Variants in NWD2 observed in about 807,000 individuals in gnomAD.
NWD2 encodes NACHT and WD repeat domain containing 2, also known as NACHT and WD repeat domain-containing protein 2.
A neutral mutation model predicts 132.7 loss-of-function variants in NWD2; 37 were observed. That is an observed-to-expected ratio of 0.28 (90% CI 0.21 to 0.37). The LOEUF is 0.37. NWD2 is among the 10% of genes least tolerant of loss of function. NWD2 has a pLI of 1.00. For missense variants in NWD2, 1,592 were observed against 2,122.4 expected (o/e 0.75, Z 4.91); for synonymous variants, 705 against 803.0 (o/e 0.88, Z 2.06).
intron 3 of NWD2, among the ~76,000 whole-genome samples, chr4:37,361,262 C>G (rs1719975985): frequency 6.6e-6 from 1 of 152,130 alleles, no homozygotes; most frequent in Admixed American, 6.6e-5. Context: ...AGAGCTGATA[C>G]CTATTATAGT....
chr4:37,387,670 C>CTTTTT (rs34665816), intron 3 of NWD2, among the ~76,000 whole-genome samples: 2 of 88,704 alleles, frequency 2.3e-5, no homozygotes, highest in African/African-American at 4.9e-5. Context: ...TTGAAATATT[C>CTTTTT]TTTTTTTTTT....
rs1718124083 is a variant in NWD2, at chr4:37,281,319, C to T, written c.151+36101C>T. On this transcript the variant is annotated intron_variant, in intron 1 of 6. Coordinates refer to ENST00000309447, the MANE Select transcript of NWD2 (RefSeq NM_001144990.2). ...TGAACCACGCAAAGTGTTCCTGGGG[C>T]CAGTTGGGGAGTTTAGTAGAATCTA... Among the ~76,000 whole-genome samples, 3 of 151,994 alleles carry T rather than the reference C, an allele frequency of 2.0e-5. No homozygotes were observed. In the South Asian group the frequency reaches 6.2e-4, roughly 32 times the overall value.
intron 1 of NWD2, among the ~76,000 whole-genome samples, chr4:37,315,214 A>T (rs913497444): frequency 4.6e-5 from 7 of 152,052 alleles, no homozygotes; most frequent in Non-Finnish European, 8.8e-5. Flanking sequence ...CTATCATGGG[A>T]AATGTTCCAT....
At chr4:37,436,053 G>T (rs556792696) in intron 5 of NWD2, among the ~76,000 whole-genome samples, 1 of 152,000 alleles carries the variant, frequency 6.6e-6, no homozygotes, top group Non-Finnish European at 1.5e-5. Flanking sequence ...AACAGGAGAG[G>T]ACGAGAAATA....
chr4:37,429,827 C>T (rs1376863501), intron 3 of NWD2, among the ~76,000 whole-genome samples: 1 of 152,148 alleles, frequency 6.6e-6, no homozygotes, highest in Non-Finnish European at 1.5e-5. Context: ...TTTCTAAAGA[C>T]AAATTCCCAG....
At chr4:37,321,912 T>A (rs1346138721) in intron 1 of NWD2, among the ~76,000 whole-genome samples, 3 of 152,212 alleles carry the variant, frequency 2.0e-5, no homozygotes, top group Non-Finnish European at 4.4e-5. Flanking sequence ...GAGTTCATAT[T>A]CTGCCACAAA....
intron 4 of NWD2, among the ~76,000 whole-genome samples, chr4:37,432,790 T>C (rs1712215030): frequency 6.6e-6 from 1 of 152,364 alleles, no homozygotes; most frequent in East Asian, 1.9e-4. Flanking sequence ...GAAACGTTAT[T>C]ATCTACTTTC....
intron 1 of NWD2, among the ~76,000 whole-genome samples, chr4:37,304,060 G>A (rs1458130439): frequency 6.6e-6 from 1 of 152,170 alleles, no homozygotes; most frequent in African/African-American, 2.4e-5. Flanking sequence ...AATTTATAAA[G>A]GAAAAAGTTT....
At position 37,444,783 on chromosome 4, in the gene NWD2, T is replaced by C; in HGVS notation, c.2795T>C (p.Leu932Pro). Reference sequence around the variant, plus strand: ...TCCCTGCCCAAACTTAGACATCTTCTTTTAGAGTGTGATAAAGATGGGCCC... The same window carrying C: ...TCCCTGCCCAAACTTAGACATCTTCCTTTAGAGTGTGATAAAGATGGGCCC... ...VSSLPKLRHLLLECDKDGPKY... is the reference protein window; with the variant it reads ...VSSLPKLRHLPLECDKDGPKY... Residue 932 changes from leucine (L) to proline (P), a missense_variant, in exon 7 of 7, where the codon CTT (leucine) becomes CCT (proline). This residue lies in a region of NWD2 where 1,071 missense variants were observed against 1,398.0 expected (regional missense o/e 0.77). Coordinates refer to ENST00000309447, the MANE Select transcript of NWD2 (RefSeq NM_001144990.2). This position sits in a 1 kb window ranked among gnomAD's most constrained non-coding sequence, Gnocchi z 4.8. 3 of 1,551,968 alleles carry C rather than the reference T, an allele frequency of 1.9e-6. No individual in the cohort carries two copies. Among genetic ancestry groups the C allele is most frequent in the Non-Finnish European group, 2.6e-6 (3 of 1,147,064 alleles).
chr4:37,403,750 C>A (rs545497472), intron 3 of NWD2, among the ~76,000 whole-genome samples: 1 of 152,280 alleles, frequency 6.6e-6, no homozygotes, highest in Non-Finnish European at 1.5e-5. Context: ...TGAAACATTT[C>A]TGTAGGCAGA....
chr4:37,411,240 G>A (rs1477572052), intron 3 of NWD2, among the ~76,000 whole-genome samples: 2 of 152,122 alleles, frequency 1.3e-5, no homozygotes, highest in Non-Finnish European at 2.9e-5. Flanking sequence ...CCACTAGCCA[G>A]ACTAATAAAG....
Position 37,447,482 on chromosome 4 carries a change from T to C in NWD2, c.*265T>C, listed in dbSNP as rs991750493. The C allele has an allele frequency of 2.1e-6, 1 of 468,882 alleles. No homozygotes were observed. The highest frequency in any genetic ancestry group is 1.9e-5 in the African/African-American group (1 of 51,548). The allele number at this position is 468,882 out of a possible 1,614,324, so 29.0% of individuals were successfully genotyped here. On this transcript the variant is annotated 3_prime_UTR_variant, in exon 7 of 7. Transcript: ENST00000309447. ...AGGCAGAGGCTAAAAGTTTTTAAAT[T>C]AGCTGTGTGGTGAGGCAGCATAATA...
chr4:37,362,638 C>A (rs977398898), intron 3 of NWD2, among the ~76,000 whole-genome samples: 1 of 150,958 alleles, frequency 6.6e-6, no homozygotes, highest in Non-Finnish European at 1.5e-5. Context: ...GAAATTGGAC[C>A]CCTATCCTTC....
At chr4:37,318,263 C>A (rs1360194331) in intron 1 of NWD2, among the ~76,000 whole-genome samples, 1 of 151,798 alleles carries the variant, frequency 6.6e-6, no homozygotes, top group Admixed American at 6.6e-5. Flanking sequence ...CTGACTCAGG[C>A]GATCCACTGA....
Position 37,378,312 on chromosome 4 carries a change from G to A in NWD2, c.357+21830G>A, listed in dbSNP as rs193293266. ...AAATATGACAGTCATCTTTATGGAC[G>A]AGTTTAAGTTCAATTTTATTATCTA... On this transcript the variant is annotated intron_variant, in intron 3 of 6. Transcript: ENST00000309447. 3.0e-4 allele frequency among the ~76,000 whole-genome samples: 45 copies of A among 152,178 alleles called. No homozygotes were observed. In the East Asian group the frequency reaches 8.5e-3, roughly 29 times the overall value.
intron 3 of NWD2, among the ~76,000 whole-genome samples, chr4:37,371,123 G>T (rs1331605603): frequency 7.3e-6 from 1 of 136,486 alleles, no homozygotes; most frequent in Non-Finnish European, 1.5e-5. Flanking sequence ...TGTCGCCCAG[G>T]CTGGAGGGCA....
chr4:37,301,890 G>T (rs1718618982), intron 1 of NWD2, among the ~76,000 whole-genome samples: 1 of 151,842 alleles, frequency 6.6e-6, no homozygotes, highest in African/African-American at 2.4e-5. Context: ...AATAGATCAA[G>T]GCATTGTTAG....
At chr4:37,404,589 G>C (rs1436064159) in intron 3 of NWD2, among the ~76,000 whole-genome samples, 1 of 152,060 alleles carries the variant, frequency 6.6e-6, no homozygotes, top group African/African-American at 2.4e-5. Context: ...CCCTCTTTCT[G>C]ATCCAGCCTA....
chr4:37,430,461 A>G, intron 3 of NWD2, 111 bp from the exon 4 acceptor site: 1 of 758,906 alleles, frequency 1.3e-6, no homozygotes, highest in Non-Finnish European at 2.1e-6. Flanking sequence ...CTGATGGAGC[A>G]ATGTATCTTG....
Sources: allele counts gnomAD v4.1 joint callset (sites outside exome capture counted in the v4.1 genomes callset), GRCh38; gene constraint gnomAD v4.1.1; regional missense constraint gnomAD v4.1.1; non-coding constraint Gnocchi (gnomAD v3.1); transcripts MANE v1.5; gene names NCBI Gene and HGNC (gene_info 2026-07-23, HGNC 2026-07-21).